The following SAMTOR variants were observed in gnomAD, a reference collection of about 807,000 sequenced individuals.
The protein encoded by SAMTOR is UPF0532 protein C7orf60.
At chr7:112,865,831 T>C in the SAMTOR span, among the ~76,000 whole-genome samples, 7 of 147,428 alleles carry the variant, frequency 4.7e-5, no homozygotes, top group Admixed American at 6.9e-5. Flanking sequence ...TATATATTTA[T>C]CTATATACAT....
chr7:112,895,582 C>T, the SAMTOR span: 1 of 1,549,628 alleles, frequency 6.5e-7, no homozygotes, highest in Non-Finnish European at 8.8e-7. Flanking sequence ...GTTATAAATT[C>T]AGGGTTTGTA....
chr7:112,856,147 T>G, the SAMTOR span, among the ~76,000 whole-genome samples: 1 of 152,182 alleles, frequency 6.6e-6, no homozygotes, highest in Admixed American at 6.5e-5. Context: ...TCATTTTGAT[T>G]GGACTGTTAC....
At chr7:112,887,709 A>G in the SAMTOR span, among the ~76,000 whole-genome samples, 6 of 152,162 alleles carry the variant, frequency 3.9e-5, no homozygotes, top group African/African-American at 1.4e-4. Context: ...ATTTCATCCA[A>G]GTTATCAAAT....
At chr7:112,867,921 T>C in the SAMTOR span, among the ~76,000 whole-genome samples, 1 of 152,224 alleles carries the variant, frequency 6.6e-6, no homozygotes, top group Non-Finnish European at 1.5e-5. Flanking sequence ...CATTACCACC[T>C]GAGCTCTGCC....
the SAMTOR span, among the ~76,000 whole-genome samples, chr7:112,867,328 A>G: frequency 6.6e-6 from 1 of 152,236 alleles, no homozygotes; most frequent in Admixed American, 6.5e-5. Flanking sequence ...ACTCAATTTT[A>G]TGAATATTAA....
chr7:112,908,570 A>G, the SAMTOR span, among the ~76,000 whole-genome samples: 1 of 152,178 alleles, frequency 6.6e-6, no homozygotes, highest in Non-Finnish European at 1.5e-5. Context: ...CCTGACCAAT[A>G]CCAAATACAG....
the SAMTOR span, among the ~76,000 whole-genome samples, chr7:112,871,355 A>G: frequency 1.3e-5 from 2 of 152,214 alleles, no homozygotes; most frequent in African/African-American, 2.4e-5. Context: ...ATAGAAATCA[A>G]TATCAAGAGG....
the SAMTOR span, among the ~76,000 whole-genome samples, chr7:112,871,202 C>T: frequency 6.6e-6 from 1 of 151,740 alleles, no homozygotes; most frequent in South Asian, 2.1e-4. Context: ...CACCCAACAA[C>T]CACATAAAAC....
At chr7:112,925,303 TAGA>T in the SAMTOR span, among the ~76,000 whole-genome samples, 1 of 152,230 alleles carries the variant, frequency 6.6e-6, no homozygotes, top group Non-Finnish European at 1.5e-5. Flanking sequence ...TCATCAAGTC[TAGA>T]AGGCCTTTTT....
At chr7:112,898,368 C>A in the SAMTOR span, among the ~76,000 whole-genome samples, 1 of 151,608 alleles carries the variant, frequency 6.6e-6, no homozygotes, top group East Asian at 2.0e-4. Context: ...CCCCTCCCCT[C>A]ATTCTAGGCA....
the SAMTOR span, among the ~76,000 whole-genome samples, chr7:112,862,448 A>G: frequency 6.6e-6 from 1 of 152,222 alleles, no homozygotes; most frequent in Admixed American, 6.5e-5. Context: ...CTTCTCACAG[A>G]GAATTTATTC....
At chr7:112,820,039 G>T in the SAMTOR span, 1 of 152,330 alleles carries the variant, frequency 6.6e-6, no homozygotes, top group Admixed American at 6.6e-5. Flanking sequence ...AAATATTAAA[G>T]AATCTTATGC....
At chr7:112,837,208 G>C in the SAMTOR span, among the ~76,000 whole-genome samples, 3 of 151,924 alleles carry the variant, frequency 2.0e-5, no homozygotes, top group African/African-American at 7.2e-5. Flanking sequence ...ATTGTGGATG[G>C]GGTTGTGTTC....
chr7:112,904,393 C>A, the SAMTOR span, among the ~76,000 whole-genome samples: 7 of 151,998 alleles, frequency 4.6e-5, no homozygotes, highest in Admixed American at 1.3e-4. Flanking sequence ...ACAAGAAATC[C>A]ATTCTATCTG....
chr7:112,871,865 C>T, the SAMTOR span, among the ~76,000 whole-genome samples: 1,629 of 152,214 alleles, frequency 0.011, 31 homozygotes, highest in African/African-American at 0.037. Context: ...GAGACTACTA[C>T]GAACACCTCT....
At chr7:112,821,150 AT>A in the SAMTOR span, 1 of 152,510 alleles carries the variant, frequency 6.6e-6, no homozygotes, top group Non-Finnish European at 1.5e-5. Context: ...ATGCTGTCAA[AT>A]GAGCTTTTAA....
the SAMTOR span, among the ~76,000 whole-genome samples, chr7:112,911,772 T>C: frequency 6.6e-6 from 1 of 151,826 alleles, no homozygotes; most frequent in African/African-American, 2.4e-5. Flanking sequence ...AAAAATGGTA[T>C]CTTAAAAACA....
chr7:112,822,463 A>C, the SAMTOR span: 1 of 1,067,476 alleles, frequency 9.4e-7, no homozygotes, highest in Non-Finnish European at 1.4e-6. Flanking sequence ...TTCACATATC[A>C]TAGTAATTCC....
chr7:112,843,048 A>G, the SAMTOR span, among the ~76,000 whole-genome samples: 1,623 of 152,166 alleles, frequency 0.011, 30 homozygotes, highest in African/African-American at 0.037. Context: ...TTCTTTGCCA[A>G]TTATAACTTA....
Sources: gnomAD v4.1 joint callset for allele counts (sites outside exome capture counted in the v4.1 genomes callset) on GRCh38, gnomAD v4.1.1 for gene constraint, MANE v1.5 for transcripts, NCBI Gene and HGNC (gene_info 2026-07-23, HGNC 2026-07-21) for gene names.